Variants in MYPN observed in about 807,000 individuals in gnomAD.
MYPN encodes the protein myopalladin, also known as sarcomeric protein myopalladin, 145 kDa (MYOP).
A neutral mutation model predicts 129.4 loss-of-function variants in MYPN; 63 were observed. The observed-to-expected ratio is 0.49, with a 90% CI of 0.40 to 0.60. MYPN has a LOEUF of 0.60. Among genes scored for constraint, MYPN ranks in the 20% least tolerant of loss-of-function variants. The pLI is 0.00. For missense variants in MYPN, 1,596 were observed against 1,635.4 expected, an observed-to-expected ratio of 0.98 and a Z score of 0.42; for synonymous variants, 629 against 600.9, an observed-to-expected ratio of 1.05 and a Z score of -0.68.
chr10:68,204,026 C>G (rs945104544), intron 18 of MYPN, among the ~76,000 whole-genome samples: 3 of 152,204 alleles, frequency 2.0e-5, no homozygotes, highest in Admixed American at 2.0e-4. Context: ...TCCCTTAATA[C>G]TCACCTCAAA....
At chr10:68,161,566 A>T (rs2042975371) in intron 7 of MYPN, among the ~76,000 whole-genome samples, 163 bp from the exon 8 acceptor site, 1 of 151,880 alleles carries the variant, frequency 6.6e-6, no homozygotes, top group Admixed American at 6.6e-5. Flanking sequence ...TGTAATATCC[A>T]TCCTGTCCCT....
rs531390905 is a variant in MYPN, at chr10:68,129,531, CA to C, written c.902+7193del. ...TTTACAGGTTTTTTCCTAATATGAACAATGTCATTACAAATGTTCTAGTATG... is the reference window on the plus strand; with the variant it reads ...TTTACAGGTTTTTTCCTAATATGAACATGTCATTACAAATGTTCTAGTATG... On this transcript the variant is annotated intron_variant, in intron 2 of 19. Coordinates refer to ENST00000358913, the MANE Select transcript of MYPN (RefSeq NM_032578.4). 2.4e-3 allele frequency among the ~76,000 whole-genome samples: 362 copies of C among 152,076 alleles called. 12 individuals are homozygous for C. The highest frequency in any genetic ancestry group is 7.1e-4 in the Non-Finnish European group (48 of 68,028).
intron 1 of MYPN, among the ~76,000 whole-genome samples, chr10:68,116,203 C>T (rs2042154165): frequency 6.6e-6 from 1 of 151,776 alleles, no homozygotes; most frequent in Non-Finnish European, 1.5e-5. Context: ...TATAAGAGCA[C>T]TTATGATTTT....
At chr10:68,106,288 G>GTTT, upstream of MYPN, 42 of 334,024 alleles carry the variant, frequency 1.3e-4, no homozygotes, top group South Asian at 5.3e-4. Context: ...TGAACTTTTA[G>GTTT]TTTTTTTTTT....
At chr10:68,100,253 G>A (rs2041975813) in intron 1 of MYPN, among the ~76,000 whole-genome samples, 1 of 152,198 alleles carries the variant, frequency 6.6e-6, no homozygotes, top group African/African-American at 2.4e-5. Context: ...TGTGGATGCT[G>A]GGTTGGGGTG....
intron 12 of MYPN, among the ~76,000 whole-genome samples, chr10:68,187,012 T>C (rs2134249966): frequency 6.6e-6 from 1 of 152,136 alleles, no homozygotes; most frequent in African/African-American, 2.4e-5. Flanking sequence ...CAAAGTGTGG[T>C]CCGAGGACCT....
intron 1 of MYPN, among the ~76,000 whole-genome samples, chr10:68,116,533 G>A (rs184458136): frequency 3.9e-5 from 6 of 152,220 alleles, no homozygotes; most frequent in African/African-American, 1.2e-4. Flanking sequence ...TGAAAGTAAA[G>A]CATTCCAGCC....
chr10:68,112,106 G>A (rs1388458859), intron 1 of MYPN, among the ~76,000 whole-genome samples: 3 of 152,194 alleles, frequency 2.0e-5, no homozygotes, highest in African/African-American at 7.2e-5. Flanking sequence ...CATTATGAAT[G>A]GTGAGATCTT....
chr10:68,141,331 T>C (rs1589548500), intron 2 of MYPN, among the ~76,000 whole-genome samples: 1 of 149,332 alleles, frequency 6.7e-6, no homozygotes, highest in Non-Finnish European at 1.5e-5. Flanking sequence ...ATCGGACCAC[T>C]GCACTCCAAT....
intron 2 of MYPN, among the ~76,000 whole-genome samples, chr10:68,123,343 C>T (rs2042275968): frequency 6.6e-6 from 1 of 151,944 alleles, no homozygotes; most frequent in South Asian, 2.1e-4. Flanking sequence ...CGCACCACTG[C>T]ACTCCAGCCT....
chr10:68,184,845 T>C (rs3998872), intron 12 of MYPN, among the ~76,000 whole-genome samples: 21,231 of 152,066 alleles, frequency 0.14, 1,946 homozygotes, highest in Middle Eastern at 0.25. Context: ...CCTGGGAGTA[T>C]GCTGAGAAGT....
At chr10:68,106,944 C>G, upstream of MYPN, 1 of 622,222 alleles carries the variant, frequency 1.6e-6, no homozygotes, top group Non-Finnish European at 2.9e-6. Context: ...ATGTAACCAA[C>G]CTTGTGTTTG....
chr10:68,169,697 A>G (rs1302338986), intron 10 of MYPN, among the ~76,000 whole-genome samples: 2 of 150,880 alleles, frequency 1.3e-5, no homozygotes, highest in African/African-American at 2.4e-5. Context: ...CACCACATCT[A>G]CAGTTCAGGC....
intron 8 of MYPN, among the ~76,000 whole-genome samples, chr10:68,165,043 T>G (rs754854906): frequency 3.3e-5 from 5 of 152,276 alleles, no homozygotes; most frequent in Non-Finnish European, 7.3e-5. Flanking sequence ...CCTTTTCCTT[T>G]GACTCCTAAT....
intron 1 of MYPN, among the ~76,000 whole-genome samples, chr10:68,112,451 T>A (rs2042095444): frequency 6.6e-6 from 1 of 152,134 alleles, no homozygotes; most frequent in African/African-American, 2.4e-5. Flanking sequence ...TTTTACCAAT[T>A]CGATTAAAAT....
intron 12 of MYPN, among the ~76,000 whole-genome samples, chr10:68,187,742 G>A (rs1228649297): frequency 2.6e-5 from 4 of 152,208 alleles, no homozygotes; most frequent in African/African-American, 9.6e-5. Context: ...GAGATTGGAT[G>A]AGCTCACCTA....
At chr10:68,173,574 T>TTTTATTTATTTA (rs10688159) in intron 10 of MYPN, among the ~76,000 whole-genome samples, 10 of 140,754 alleles carry the variant, frequency 7.1e-5, no homozygotes, top group African/African-American at 1.0e-4. Flanking sequence ...CATCAAGTTA[T>TTTTATTTATTTA]TTTATTTATT....
chr10:68,155,866 C>CCAT (rs2042864307), intron 6 of MYPN, among the ~76,000 whole-genome samples: 2 of 152,310 alleles, frequency 1.3e-5, no homozygotes, highest in South Asian at 4.1e-4. Context: ...GAATGAGCTT[C>CCAT]CATCACAGAC....
chr10:68,126,844 T>C (rs2042333560), intron 2 of MYPN, among the ~76,000 whole-genome samples: 1 of 152,058 alleles, frequency 6.6e-6, no homozygotes, highest in African/African-American at 2.4e-5. Context: ...GAAAGTCAGA[T>C]GAGAGAGTAG....
Sources: allele counts gnomAD v4.1 joint callset (sites outside exome capture counted in the v4.1 genomes callset), GRCh38; gene constraint gnomAD v4.1.1; transcripts MANE v1.5; gene names NCBI Gene and HGNC (gene_info 2026-07-23, HGNC 2026-07-21).